The following DNER variants were observed in gnomAD, a reference collection of about 807,000 sequenced individuals.
DNER encodes the protein delta/notch like EGF repeat containing.
In DNER, 33 loss-of-function variants were observed where a neutral mutation model predicts 78.2. The observed-to-expected ratio is 0.42, with a 90% CI of 0.32 to 0.56. The LOEUF (loss-of-function observed/expected upper bound fraction) is 0.56. DNER is among the 20% of genes least tolerant of loss of function. The pLI is 0.11. For missense variants in DNER, 918 were observed against 975.3 expected, an observed-to-expected ratio of 0.94 and a Z score of 0.78; for synonymous variants, 417 against 384.8, an observed-to-expected ratio of 1.08 and a Z score of -0.98.
At chr2:229,473,807 G>C (rs1223824847) in intron 7 of DNER, among the ~76,000 whole-genome samples, 3 of 152,164 alleles carry the variant, frequency 2.0e-5, no homozygotes, top group Non-Finnish European at 2.9e-5. Flanking sequence ...GTCAGGGCTG[G>C]CTCTGAACCC....
chr2:229,648,304 A>C (rs1698755372), intron 1 of DNER, among the ~76,000 whole-genome samples: 1 of 152,256 alleles, frequency 6.6e-6, no homozygotes. Context: ...TGCTCAATAA[A>C]AGCAACTACA....
intron 5 of DNER, among the ~76,000 whole-genome samples, chr2:229,542,346 A>C: frequency 6.6e-6 from 1 of 152,150 alleles, no homozygotes. Flanking sequence ...ATTTATAAAG[A>C]CCTTCCCCCA....
chr2:229,443,014 A>C (rs897502546), intron 8 of DNER, among the ~76,000 whole-genome samples: 16 of 152,252 alleles, frequency 1.1e-4, no homozygotes, highest in African/African-American at 3.6e-4. Context: ...GAATGGGCAG[A>C]GGAACTTGGT....
chr2:229,553,570 A>C (rs574525731), intron 4 of DNER, among the ~76,000 whole-genome samples: 1 of 152,276 alleles, frequency 6.6e-6, no homozygotes, highest in South Asian at 2.1e-4. Flanking sequence ...AACCCGAGTA[A>C]CTGTGCCGAG....
intron 5 of DNER, among the ~76,000 whole-genome samples, chr2:229,517,251 T>G (rs1373588511): frequency 2.6e-5 from 4 of 152,200 alleles, no homozygotes; most frequent in Non-Finnish European, 5.9e-5. Flanking sequence ...TTCTAGGAGC[T>G]GAGGGTCACA....
chr2:229,559,032 A>G (rs552431828), intron 4 of DNER, among the ~76,000 whole-genome samples: 2 of 152,294 alleles, frequency 1.3e-5, no homozygotes, highest in African/African-American at 4.8e-5. Context: ...CAAGATTTTC[A>G]TATAGATTGG....
At chr2:229,580,816 TA>T in intron 4 of DNER, among the ~76,000 whole-genome samples, 1 of 152,328 alleles carries the variant, frequency 6.6e-6, no homozygotes, top group East Asian at 1.9e-4. Context: ...ACTGTTAGAA[TA>T]TTCCAGGGTA....
At chr2:229,469,412 T>C (rs933955126) in intron 7 of DNER, among the ~76,000 whole-genome samples, 2 of 152,226 alleles carry the variant, frequency 1.3e-5, no homozygotes, top group Non-Finnish European at 2.9e-5. Flanking sequence ...TATTAATTAC[T>C]TATTCTCTGC....
intron 1 of DNER, among the ~76,000 whole-genome samples, chr2:229,668,071 T>C (rs185862826): frequency 3.8e-4 from 58 of 152,312 alleles, no homozygotes; most frequent in African/African-American, 1.4e-3. Context: ...CTTACTTCAG[T>C]GATACTTAAA....
chr2:229,512,606 G>C (rs1695886881), intron 6 of DNER, among the ~76,000 whole-genome samples, 177 bp downstream of exon 6: 1 of 152,062 alleles, frequency 6.6e-6, no homozygotes, highest in Non-Finnish European at 1.5e-5. Flanking sequence ...ATCACAAATT[G>C]GGTTCAGTGT....
At chr2:229,549,235 T>G (rs1227552051) in intron 4 of DNER, among the ~76,000 whole-genome samples, 1 of 152,226 alleles carries the variant, frequency 6.6e-6, no homozygotes, top group Non-Finnish European at 1.5e-5. Context: ...ATTTATGTAT[T>G]AATAATACAT....
At chr2:229,618,514 G>A (rs925344638) in intron 1 of DNER, among the ~76,000 whole-genome samples, 1 of 152,214 alleles carries the variant, frequency 6.6e-6, no homozygotes, top group South Asian at 2.1e-4. Context: ...GGCCTCTCAC[G>A]CAGCATGTGA....
intron 1 of DNER, among the ~76,000 whole-genome samples, chr2:229,651,757 C>T (rs995935680): frequency 6.6e-6 from 1 of 152,096 alleles, no homozygotes; most frequent in Admixed American, 6.5e-5. Flanking sequence ...CAGAATAAGT[C>T]CCTGGATTTC....
intron 7 of DNER, among the ~76,000 whole-genome samples, chr2:229,468,787 A>C (rs533983016): frequency 6.6e-6 from 1 of 152,304 alleles, no homozygotes; most frequent in African/African-American, 2.4e-5. Flanking sequence ...AGGTAGTTAC[A>C]GAAGGAGCCT....
At chr2:229,403,203 A>G (rs1409793097) in intron 10 of DNER, among the ~76,000 whole-genome samples, 3 of 152,196 alleles carry the variant, frequency 2.0e-5, no homozygotes, top group South Asian at 4.1e-4. Context: ...CTCAGGTACA[A>G]TGAAAGAGTA....
intron 6 of DNER, among the ~76,000 whole-genome samples, chr2:229,504,032 C>T (rs1182259798): frequency 7.9e-5 from 12 of 151,998 alleles, no homozygotes; most frequent in Admixed American, 7.9e-4. Context: ...GCGTGAACTA[C>T]CGTGCCCAGC....
chr2:229,618,782 C>T (rs902070939), intron 1 of DNER, among the ~76,000 whole-genome samples: 4 of 152,120 alleles, frequency 2.6e-5, no homozygotes, highest in Admixed American at 1.3e-4. Context: ...AATGATATTC[C>T]TCTTTTTAAA....
intron 7 of DNER, among the ~76,000 whole-genome samples, chr2:229,476,492 G>C (rs918164453): frequency 1.3e-5 from 2 of 152,166 alleles, no homozygotes; most frequent in African/African-American, 4.8e-5. Flanking sequence ...TGGATCAGAA[G>C]CTTACATGCT....
At chr2:229,367,525 C>T (rs952088084) in intron 11 of DNER, among the ~76,000 whole-genome samples, 5 of 152,008 alleles carry the variant, frequency 3.3e-5, no homozygotes, top group African/African-American at 4.8e-5. Context: ...CACTTGAACT[C>T]GGGAGGCGGA....
Sources: gnomAD v4.1 joint callset for allele counts (sites outside exome capture counted in the v4.1 genomes callset) on GRCh38, gnomAD v4.1.1 for gene constraint, MANE v1.5 for transcripts, NCBI Gene and HGNC (gene_info 2026-07-23, HGNC 2026-07-21) for gene names.